The following HMGA2 variants were observed in gnomAD, a reference collection of about 807,000 sequenced individuals.
The protein encoded by HMGA2 is high mobility group AT-hook 2, also known as high mobility group protein HMGI-C.
HMGA2 carries 8 observed loss-of-function variants against 19.1 expected under a neutral mutation model. The ratio of observed to expected loss-of-function variants is 0.42; its 90% CI spans 0.25 to 0.76. The LOEUF (loss-of-function observed/expected upper bound fraction) is 0.76. HMGA2 is among the 30% of genes least tolerant of loss of function. The pLI, the probability that HMGA2 is intolerant of heterozygous loss-of-function variation, is 0.28. For missense variants in HMGA2, 109 were observed against 136.3 expected, an observed-to-expected ratio of 0.80 and a Z score of 1.00; for synonymous variants, 60 against 48.8, an observed-to-expected ratio of 1.23 and a Z score of -0.96.
intron 4 of HMGA2, chr12:65,957,100 G>C (rs1267639478): frequency 6.6e-6 from 1 of 152,118 alleles, no homozygotes; most frequent in Non-Finnish European, 1.5e-5. Flanking sequence ...CATAACTCAG[G>C]ATAATGAAAA....
chr12:65,881,508 A>C lies in HMGA2; in HGVS notation c.249+42939A>C, dbSNP rs1440227721. On this transcript the variant is annotated intron_variant, in intron 3 of 4. Coordinates refer to ENST00000403681, the MANE Select transcript of HMGA2 (RefSeq NM_003483.6). ...CAATCTTGCTTAATAGTAGCAGAACAAAACAAAACAAAAAACCACTCCAAC... is the reference window on the plus strand; with the variant it reads ...CAATCTTGCTTAATAGTAGCAGAACCAAACAAAACAAAAAACCACTCCAAC... 5 of 574,358 alleles carry C rather than the reference A, an allele frequency of 8.7e-6. No homozygotes were observed. The African/African-American group carries it at 9.3e-5, about 11-fold the overall frequency. 35.6% of individuals were successfully genotyped at this position (574,358 alleles called of 1,614,324 possible). A position where few individuals can be genotyped will look rare whatever the true frequency, so the allele number is the denominator to read the frequency against.
chr12:65,954,524 C>G (rs1876550883), intron 4 of HMGA2: 1 of 152,182 alleles, frequency 6.6e-6, no homozygotes, highest in Admixed American at 6.5e-5. Context: ...AAGAATGGCC[C>G]TTGTTGAACC....
chr12:65,940,113 G>GAA (rs369692357), intron 3 of HMGA2, among the ~76,000 whole-genome samples: 6 of 148,082 alleles, frequency 4.1e-5, no homozygotes, highest in African/African-American at 7.4e-5. Flanking sequence ...AAACAAGAGA[G>GAA]AAAAAAAAAC....
intron 3 of HMGA2, among the ~76,000 whole-genome samples, chr12:65,918,694 A>G (rs183844712): frequency 2.5e-4 from 38 of 152,318 alleles, no homozygotes; most frequent in Admixed American, 1.2e-3. Context: ...GTGTTGACAA[A>G]TTTCAGGAGG....
chr12:65,844,050 CAAA>C (rs3048828), intron 3 of HMGA2, among the ~76,000 whole-genome samples: 5 of 79,750 alleles, frequency 6.3e-5, no homozygotes, highest in Admixed American at 2.7e-4. Flanking sequence ...GACTCCATCT[CAAA>C]AAAAAAAAAA....
intron 3 of HMGA2, among the ~76,000 whole-genome samples, chr12:65,901,571 T>C (rs941564785): frequency 1.3e-5 from 2 of 152,192 alleles, no homozygotes; most frequent in Admixed American, 6.5e-5. Context: ...TTGCAAGAAA[T>C]AGCAAGTGAA....
chr12:65,922,141 A>G (rs930045468), intron 3 of HMGA2, among the ~76,000 whole-genome samples: 9 of 152,212 alleles, frequency 5.9e-5, no homozygotes, highest in Non-Finnish European at 1.2e-4. Flanking sequence ...CAGAGTCCCA[A>G]CTGGGACACT....
chr12:65,940,251 A>G (rs964677746), intron 3 of HMGA2, among the ~76,000 whole-genome samples: 1 of 152,202 alleles, frequency 6.6e-6, no homozygotes, highest in Non-Finnish European at 1.5e-5. Flanking sequence ...ATAGATAGAT[A>G]TAGCTATAAA....
chr12:65,949,620 G>C (rs1038196), intron 3 of HMGA2, among the ~76,000 whole-genome samples: 82,236 of 152,012 alleles, frequency 0.54, 22,969 homozygotes, highest in East Asian at 0.89. Flanking sequence ...AAAGAAATAA[G>C]AAGTATTCTC....
intron 3 of HMGA2, among the ~76,000 whole-genome samples, chr12:65,869,266 A>T (rs940845686): frequency 4.6e-5 from 7 of 152,228 alleles, no homozygotes; most frequent in African/African-American, 1.7e-4. Flanking sequence ...GAGAAGGAAT[A>T]TGGTGGATCA....
intron 2 of HMGA2, chr12:65,828,383 G>GGGA: frequency 3.9e-6 from 1 of 256,544 alleles, no homozygotes; most frequent in Admixed American, 5.1e-5. Flanking sequence ...GGGGGGGGCG[G>GGGA]GATGAAAATG....
At chr12:65,869,573 C>T (rs920756885) in intron 3 of HMGA2, among the ~76,000 whole-genome samples, 3 of 152,152 alleles carry the variant, frequency 2.0e-5, no homozygotes, top group African/African-American at 7.2e-5. Flanking sequence ...TAGCAGCTCT[C>T]CTTATGTATT....
intron 3 of HMGA2, among the ~76,000 whole-genome samples, chr12:65,839,393 C>A (rs1219753015): frequency 1.3e-5 from 2 of 152,036 alleles, no homozygotes; most frequent in Non-Finnish European, 2.9e-5. Flanking sequence ...TCCTTTATAC[C>A]CAGTGTTGCA....
chr12:65,853,670 A>G (rs1392675065), intron 3 of HMGA2, among the ~76,000 whole-genome samples: 1 of 152,132 alleles, frequency 6.6e-6, no homozygotes, highest in Admixed American at 6.5e-5. Flanking sequence ...GCAGAGTGGT[A>G]ATGTGATGTC....
At chr12:65,858,167 T>A (rs1407768341) in intron 3 of HMGA2, 2 of 152,606 alleles carry the variant, frequency 1.3e-5, no homozygotes, top group African/African-American at 4.8e-5. Flanking sequence ...AAAAACATAA[T>A]AGGCATATGA....
At chr12:65,881,987 C>T (rs1338133036) in intron 3 of HMGA2, 2 of 694,578 alleles carry the variant, frequency 2.9e-6, no homozygotes, top group Admixed American at 4.0e-5. Flanking sequence ...GTCTCCATCT[C>T]CTGTCCCTGG....
chr12:65,898,306 T>A (rs1874220979), intron 3 of HMGA2, among the ~76,000 whole-genome samples: 6 of 152,052 alleles, frequency 3.9e-5, no homozygotes, highest in African/African-American at 1.4e-4. Flanking sequence ...TTTTTTCAGG[T>A]TTTGCTTTTT....
chr12:65,920,174 GAT>G (rs1875253643), intron 3 of HMGA2, among the ~76,000 whole-genome samples: 1 of 152,146 alleles, frequency 6.6e-6, no homozygotes, highest in Non-Finnish European at 1.5e-5. Flanking sequence ...TGAAGTGAGA[GAT>G]GAGTCCGGGG....
chr12:65,963,237 T>G lies in HMGA2; in HGVS notation c.283-8T>G. Reference sequence around the variant, plus strand: ...GAGCGTCATGGCTGTGCCCTTTGTGTGTTCCAGGAGGAAACTGAAGAGACA... The same window carrying G: ...GAGCGTCATGGCTGTGCCCTTTGTGGGTTCCAGGAGGAAACTGAAGAGACA... On this transcript the variant is annotated splice_region_variant and splice_polypyrimidine_tract_variant and intron_variant, in intron 4 of 4. Transcript: ENST00000403681. 1 of 1,613,604 alleles carries G rather than the reference T, an allele frequency of 6.2e-7. No individual in the cohort carries two copies. Among genetic ancestry groups the G allele is most frequent in the Non-Finnish European group, 8.5e-7 (1 of 1,179,668 alleles).
Sources: allele counts gnomAD v4.1 joint callset (sites outside exome capture counted in the v4.1 genomes callset), GRCh38; gene constraint gnomAD v4.1.1; transcripts MANE v1.5; gene names NCBI Gene and HGNC (gene_info 2026-07-23, HGNC 2026-07-21).